The following APBA2 variants were observed in gnomAD, a reference collection of about 807,000 sequenced individuals.
APBA2 encodes the protein amyloid beta precursor protein binding family A member 2, also known as amyloid-beta A4 precursor protein-binding family A member 2.
In APBA2, 30 loss-of-function variants were observed where a neutral mutation model predicts 75.0. That is an observed-to-expected ratio of 0.40 (90% CI 0.30 to 0.54). The LOEUF is 0.54. APBA2 is among the 20% of genes least tolerant of loss of function. The pLI is 0.49. For missense variants in APBA2, 801 were observed against 1,016.1 expected (o/e 0.79, Z 2.88); for synonymous variants, 444 against 409.6 (o/e 1.08, Z -1.01).
At chr15:29,049,126 T>C (rs1244173235) in intron 3 of APBA2, among the ~76,000 whole-genome samples, 1 of 152,188 alleles carries the variant, frequency 6.6e-6, no homozygotes, top group East Asian at 1.9e-4. Flanking sequence ...TGAGTAAAGC[T>C]GTGGTGCCCA....
chr15:28,954,162 G>A (rs762233929), intron 2 of APBA2, among the ~76,000 whole-genome samples: 2 of 152,106 alleles, frequency 1.3e-5, no homozygotes, highest in Non-Finnish European at 2.9e-5. Context: ...GGTCACACCG[G>A]CACCGCTGCC....
intron 4 of APBA2, among the ~76,000 whole-genome samples, chr15:29,065,720 A>G (rs1353506558): frequency 2.6e-5 from 4 of 152,098 alleles, no homozygotes; most frequent in Non-Finnish European, 5.9e-5. Flanking sequence ...CCAAGACCCA[A>G]AGTGCTGGAG....
intron 3 of APBA2, among the ~76,000 whole-genome samples, chr15:29,036,742 A>G (rs2040773123): frequency 6.6e-6 from 1 of 152,200 alleles, no homozygotes; most frequent in African/African-American, 2.4e-5. Context: ...TAAGTAGACC[A>G]GGCATGGTGG....
intron 8 of APBA2, among the ~76,000 whole-genome samples, chr15:29,096,202 G>A (rs1362129860): frequency 6.6e-6 from 1 of 152,190 alleles, no homozygotes; most frequent in African/African-American, 2.4e-5. Context: ...CAGACATGCC[G>A]AGGCCCACCC....
chr15:29,053,519 G>A (rs953006017), intron 3 of APBA2, among the ~76,000 whole-genome samples: 1 of 152,142 alleles, frequency 6.6e-6, no homozygotes, highest in Non-Finnish European at 1.5e-5. Flanking sequence ...CTGACCATTT[G>A]TCTTGGTCAC....
intron 2 of APBA2, chr15:28,990,789 A>T (rs2038187371): frequency 6.6e-6 from 1 of 152,198 alleles, no homozygotes; most frequent in Non-Finnish European, 1.5e-5. Context: ...TCAGTACTAG[A>T]CTTCAAGGTA....
chr15:29,051,523 C>T (rs1184917161), intron 3 of APBA2, among the ~76,000 whole-genome samples: 3 of 152,138 alleles, frequency 2.0e-5, no homozygotes, highest in Non-Finnish European at 4.4e-5. Context: ...TGAATTCACA[C>T]GTTGGAAGCA....
intron 1 of APBA2, among the ~76,000 whole-genome samples, chr15:28,914,189 G>A (rs927730814): frequency 6.6e-6 from 1 of 152,204 alleles, no homozygotes; most frequent in African/African-American, 2.4e-5. Flanking sequence ...AGTTGAGAGA[G>A]GAGAGGGGAG....
Position 29,048,527 on chromosome 15 carries a change from G to A in APBA2, c.-40-5318G>A, listed in dbSNP as rs188690164. On this transcript the variant is annotated intron_variant, in intron 3 of 14. Coordinates refer to ENST00000683413, the MANE Select transcript of APBA2 (RefSeq NM_001353788.2). ...AATGAGAGAGAACTTGCCTTATGTC[G>A]TATTAAAATATGCTCTAAATTCATA... Among the ~76,000 whole-genome samples the A allele has an allele frequency of 8.7e-4, 132 of 152,256 alleles. 1 individual carries two copies. The highest frequency in any genetic ancestry group is 2.9e-3 in the African/African-American group (121 of 41,562).
chr15:29,053,187 C>T (rs1427411104), intron 3 of APBA2, among the ~76,000 whole-genome samples: 1 of 152,190 alleles, frequency 6.6e-6, no homozygotes, highest in Non-Finnish European at 1.5e-5. Context: ...ACCCTTTGTC[C>T]TCTTCTCCCC....
rs74731330 is a variant in APBA2, at chr15:29,105,519, C to T, written c.1665C>T (p.Asp555=). ...DIINTQEMYN[D]DLIHFSNSEN... ...TCAACACCCAGGAGATGTACAACGACGACCTCATCCACTTCTCAAACTCGG... is the reference window on the plus strand; with the variant it reads ...TCAACACCCAGGAGATGTACAACGATGACCTCATCCACTTCTCAAACTCGG... The change falls in exon 11 of 15, where the codon GAC becomes GAT. Residue 555 remains aspartate, a synonymous_variant. Transcript: ENST00000683413. The T allele has an allele frequency of 1.1e-5, 18 of 1,613,740 alleles. No homozygotes were observed. Among genetic ancestry groups the T allele is most frequent in the African/African-American group, 2.7e-5 (2 of 75,018 alleles).
In APBA2 at chr15:29,101,732, A is replaced by G; in HGVS notation, c.1472A>G (p.Gln491Arg). The change falls in exon 10 of 15, where the codon CAG becomes CGG. Residue 491 changes from glutamine (Q) to arginine (R), a missense_variant. Coordinates refer to ENST00000683413, the MANE Select transcript of APBA2 (RefSeq NM_001353788.2). Reference sequence around the variant, plus strand: ...TGCATCGAGACCACGCCCGGGGCCCAGGAAGGCAAGAAGCAGTATAAGATG... The same window carrying G: ...TGCATCGAGACCACGCCCGGGGCCCGGGAAGGCAAGAAGCAGTATAAGATG... ...QDCIETTPGA[Q>R]EGKKQYKMIC... The G allele has an allele frequency of 6.2e-7, 1 of 1,613,694 alleles. No homozygotes were observed. The highest frequency in any genetic ancestry group is 8.5e-7 in the Non-Finnish European group (1 of 1,180,034).
chr15:29,014,327 A>T (rs1031321167), intron 3 of APBA2, among the ~76,000 whole-genome samples: 4 of 152,210 alleles, frequency 2.6e-5, no homozygotes, highest in African/African-American at 9.6e-5. Flanking sequence ...CAGATTCTAT[A>T]TCGGAGAAAG....
intron 3 of APBA2, among the ~76,000 whole-genome samples, chr15:29,017,626 C>G (rs1030480810): frequency 6.6e-5 from 10 of 152,214 alleles, no homozygotes; most frequent in African/African-American, 2.4e-4. Flanking sequence ...CCACCCTGGC[C>G]TCCCAAAGTG....
chr15:29,035,823 C>T (rs1247572674), intron 3 of APBA2, among the ~76,000 whole-genome samples: 3 of 152,182 alleles, frequency 2.0e-5, no homozygotes, highest in Admixed American at 6.5e-5. Flanking sequence ...AGAAGCCCCG[C>T]AGGTGGCTCT....
At chr15:28,984,934 T>TCTCC (rs1409249678) in intron 2 of APBA2, among the ~76,000 whole-genome samples, 25 of 151,500 alleles carry the variant, frequency 1.7e-4, no homozygotes, top group East Asian at 1.6e-3. Context: ...TCTCTCTCTC[T>TCTCC]CTCCCTCTCT....
chr15:29,007,859 G>A (rs1045585591), intron 3 of APBA2, among the ~76,000 whole-genome samples: 9 of 152,166 alleles, frequency 5.9e-5, no homozygotes, highest in East Asian at 3.9e-4. Flanking sequence ...TGGAATCTAG[G>A]CGTGGTTTCA....
intron 13 of APBA2, among the ~76,000 whole-genome samples, chr15:29,113,351 C>CGGG (rs143602819): frequency 8.6e-5 from 13 of 150,314 alleles, no homozygotes; most frequent in East Asian, 7.9e-4. Flanking sequence ...CGTCACTTGG[C>CGGG]GGGGGGGGGA....
At chr15:28,969,391 GC>G (rs1410791709) in intron 2 of APBA2, among the ~76,000 whole-genome samples, 1 of 151,972 alleles carries the variant, frequency 6.6e-6, no homozygotes, top group Non-Finnish European at 1.5e-5. Context: ...TATAGGCCAG[GC>G]TGGTCTCGAA....
Sources: allele counts gnomAD v4.1 joint callset (sites outside exome capture counted in the v4.1 genomes callset), GRCh38; gene constraint gnomAD v4.1.1; transcripts MANE v1.5; gene names NCBI Gene and HGNC (gene_info 2026-07-23, HGNC 2026-07-21).